The following DPH6 variants were observed in gnomAD, a reference collection of about 807,000 sequenced individuals.
The protein encoded by DPH6 is diphthamine biosynthesis 6.
Under a neutral mutation model 38.2 loss-of-function variants are expected in DPH6, and 33 were observed. That is an observed-to-expected ratio of 0.86 (90% CI 0.65 to 1.15). The LOEUF is 1.15. Among genes scored for constraint, DPH6 ranks in the 50% most tolerant of loss-of-function variants. The pLI, the probability that DPH6 is intolerant of heterozygous loss-of-function variation, is 0.00. For missense variants in DPH6, 325 were observed against 320.0 expected, an observed-to-expected ratio of 1.02 and a Z score of -0.12; for synonymous variants, 108 against 103.0, an observed-to-expected ratio of 1.05 and a Z score of -0.30.
intron 6 of DPH6, among the ~76,000 whole-genome samples, chr15:35,388,048 A>G (rs1274431564): frequency 1.3e-5 from 2 of 152,174 alleles, no homozygotes; most frequent in African/African-American, 4.8e-5. Context: ...AGTTTTTAGC[A>G]TGAAGGTTGT....
intron 5 of DPH6, among the ~76,000 whole-genome samples, chr15:35,447,316 C>T (rs751601491): frequency 5.3e-5 from 8 of 152,258 alleles, no homozygotes; most frequent in African/African-American, 7.2e-5. Context: ...GTATTTACCA[C>T]GGAGAGATAC....
In DPH6 at chr15:35,237,976, T is replaced by A. The variant is rs977424051; in HGVS notation, n.201-17394A>T. The A allele has an allele frequency of 1.7e-5, 25 of 1,439,864 alleles. No individual in the cohort carries two copies. In the Admixed American group the frequency reaches 4.0e-4, roughly 23 times the overall value. 89.2% of individuals were successfully genotyped at this position (1,439,864 alleles called of 1,614,324 possible). A position where few individuals can be genotyped will look rare whatever the true frequency, so the allele number is the denominator to read the frequency against. The stretch of plus-strand genomic sequence containing the variant: ...GTTATAACGATGGAGAGGTTGATGA[T>A]GAGGAAGATGAAGAAGAGCTCCGTG... On this transcript the variant is annotated intron_variant and non_coding_transcript_variant, in intron 3 of 3. Coordinates refer to the DPH6 transcript ENST00000560386.
intron 3 of DPH6, among the ~76,000 whole-genome samples, chr15:35,482,070 C>A (rs959541174): frequency 6.6e-6 from 1 of 152,094 alleles, no homozygotes; most frequent in Admixed American, 6.6e-5. Flanking sequence ...CAAGGTGGGG[C>A]AAGCTGTGAA....
At chr15:35,438,435 C>G (rs559834555) in intron 5 of DPH6, among the ~76,000 whole-genome samples, 1 of 152,274 alleles carries the variant, frequency 6.6e-6, no homozygotes, top group East Asian at 1.9e-4. Context: ...CCGTTTTCCT[C>G]GTGGAGCCCC....
At chr15:35,195,800 G>A in the DPH6 span, among the ~76,000 whole-genome samples, 18 of 152,234 alleles carry the variant, frequency 1.2e-4, no homozygotes, top group South Asian at 3.7e-3. Flanking sequence ...GCCGAAGGTA[G>A]TCATCCCCCT....
At chr15:35,317,350 G>GA (rs1198817071) in intron 3 of DPH6, among the ~76,000 whole-genome samples, 3 of 136,094 alleles carry the variant, frequency 2.2e-5, no homozygotes, top group Admixed American at 7.5e-5. Flanking sequence ...GAAAGAAAAA[G>GA]AAAGAGAGAA....
intron 3 of DPH6, among the ~76,000 whole-genome samples, chr15:35,357,590 T>C (rs960769738): frequency 1.1e-4 from 17 of 152,242 alleles, no homozygotes; most frequent in Admixed American, 1.1e-3. Context: ...TGGTGAATTC[T>C]GTCAGCATTT....
intron 5 of DPH6, among the ~76,000 whole-genome samples, chr15:35,440,078 T>C (rs1214441023): frequency 2.6e-5 from 4 of 152,244 alleles, no homozygotes; most frequent in Non-Finnish European, 5.9e-5. Context: ...CACTGCTTAT[T>C]CCTGTGAACC....
Position 35,370,933 on chromosome 15 carries a change from T to C in DPH6, c.*1217A>G, listed in dbSNP as rs935609691. On this transcript the variant is annotated 3_prime_UTR_variant, in exon 9 of 9. Coordinates refer to ENST00000256538, the MANE Select transcript of DPH6 (RefSeq NM_080650.4). Reference sequence around the variant, plus strand: ...ATAATCGCCAAAACATGGAAGCAACTGAGATGTTCTTCAATAGGTGCATGG... The same window carrying C: ...ATAATCGCCAAAACATGGAAGCAACCGAGATGTTCTTCAATAGGTGCATGG... 6.6e-6 allele frequency: 1 copy of C among 151,606 alleles called. No individual in the cohort carries two copies. Among genetic ancestry groups the C allele is most frequent in the Non-Finnish European group, 1.5e-5 (1 of 67,702 alleles). 9.4% of individuals were successfully genotyped at this position (151,606 alleles called of 1,614,324 possible).
intron 3 of DPH6, among the ~76,000 whole-genome samples, chr15:35,279,066 A>ATATATATATATATATATATATATAT (rs3028680): frequency 2.0e-5 from 2 of 98,016 alleles, no homozygotes; most frequent in African/African-American, 1.0e-4. Flanking sequence ...AAAAAAAAAA[A>ATATATATATATATATATATATATAT]AAATATATAT....
intron 3 of DPH6, among the ~76,000 whole-genome samples, chr15:35,337,321 T>C (rs2052381304): frequency 6.6e-6 from 1 of 152,184 alleles, no homozygotes; most frequent in African/African-American, 2.4e-5. Flanking sequence ...ATTGCATCTA[T>C]TTGATTCTTC....
intron 6 of DPH6, among the ~76,000 whole-genome samples, chr15:35,396,696 C>T (rs765515219): frequency 6.6e-5 from 10 of 152,022 alleles, no homozygotes; most frequent in Non-Finnish European, 1.5e-4. Flanking sequence ...TTATAATAGC[C>T]ATTGGATGTC....
chr15:35,250,023 G>A (rs537472411), intron 3 of DPH6, among the ~76,000 whole-genome samples: 2 of 151,010 alleles, frequency 1.3e-5, no homozygotes, highest in Admixed American at 6.6e-5. Context: ...AAAATTAGCC[G>A]GGCGTGGTGG....
intron 3 of DPH6, among the ~76,000 whole-genome samples, chr15:35,512,553 A>G (rs149806373): frequency 2.7e-3 from 413 of 152,184 alleles, no homozygotes; most frequent in African/African-American, 9.5e-3. Flanking sequence ...CAATAAGGGG[A>G]AAAAGTCACC....
At chr15:35,186,823 C>A in the DPH6 span, among the ~76,000 whole-genome samples, 3 of 152,132 alleles carry the variant, frequency 2.0e-5, no homozygotes, top group African/African-American at 7.2e-5. Flanking sequence ...ACTGGGGCCC[C>A]TTTTCCTTTG....
downstream of DPH6, among the ~76,000 whole-genome samples, chr15:35,215,532 C>T (rs2051406705): frequency 6.6e-6 from 1 of 152,102 alleles, no homozygotes; most frequent in Middle Eastern, 3.2e-3. Flanking sequence ...CACAGGCGTG[C>T]ACAACCACAC....
intron 3 of DPH6, among the ~76,000 whole-genome samples, chr15:35,262,835 C>A (rs988945313): frequency 1.3e-5 from 2 of 151,004 alleles, no homozygotes; most frequent in Non-Finnish European, 2.9e-5. Context: ...AGATCTTTAC[C>A]AAAGTACCTT....
At position 35,298,752 on chromosome 15, in the gene DPH6, A is replaced by C. The variant is rs150459575; in HGVS notation, n.200+74769T>G. On this transcript the variant is annotated intron_variant and non_coding_transcript_variant, in intron 3 of 3. Coordinates refer to the DPH6 transcript ENST00000560386. ...ATCTTGTGCGCCACCGTGCCCCCCA[A>C]GTTAGCGAGGAAGGAGTTGCGCTGG... 80 of 1,507,290 alleles carry C rather than the reference A, an allele frequency of 5.3e-5. No homozygotes were observed. In the African/African-American group the frequency reaches 8.4e-4, roughly 16 times the overall value. The allele number at this position is 1,507,290 out of a possible 1,614,324, so 93.4% of individuals were successfully genotyped here. A position where few individuals can be genotyped will look rare whatever the true frequency, so the allele number is the denominator to read the frequency against.
intron 3 of DPH6, among the ~76,000 whole-genome samples, chr15:35,248,787 T>C (rs2051652677): frequency 6.6e-6 from 1 of 152,312 alleles, no homozygotes; most frequent in South Asian, 2.1e-4. Flanking sequence ...ACAAACAATC[T>C]GACATATTTA....
Sources: gnomAD v4.1 joint callset for allele counts (sites outside exome capture counted in the v4.1 genomes callset) on GRCh38, gnomAD v4.1.1 for gene constraint, MANE v1.5 for transcripts, NCBI Gene and HGNC (gene_info 2026-07-23, HGNC 2026-07-21) for gene names.